The following DNAH6 variants were observed in gnomAD, a reference collection of about 807,000 sequenced individuals.
DNAH6 encodes dynein axonemal heavy chain 6.
Under a neutral mutation model 491.4 loss-of-function variants are expected in DNAH6, and 340 were observed. The ratio of observed to expected loss-of-function variants is 0.69; its 90% CI spans 0.63 to 0.76. The LOEUF (loss-of-function observed/expected upper bound fraction) is 0.76. Among genes scored for constraint, DNAH6 ranks in the 30% least tolerant of loss-of-function variants. DNAH6 has a pLI of 0.00. For missense variants in DNAH6, 4,443 were observed against 4,972.2 expected, an observed-to-expected ratio of 0.89 and a Z score of 3.20; for synonymous variants, 1,603 against 1,686.1, an observed-to-expected ratio of 0.95 and a Z score of 1.21.
chr2:84,704,366 A>C, intron 51 of DNAH6, 64 bp downstream of exon 51: 1 of 1,189,326 alleles, frequency 8.4e-7, no homozygotes, highest in African/African-American at 1.5e-5. Flanking sequence ...GTTTTCCTCC[A>C]TGGTAATGTA....
the DNAH6 span, among the ~76,000 whole-genome samples, chr2:84,482,260 C>CA: frequency 6.6e-6 from 1 of 152,042 alleles, no homozygotes; most frequent in African/African-American, 2.4e-5. Flanking sequence ...GAACAACACA[C>CA]AAAAAAAGTA....
At chr2:84,684,634 G>T (rs560557023) in intron 42 of DNAH6, among the ~76,000 whole-genome samples, 1 of 152,314 alleles carries the variant, frequency 6.6e-6, no homozygotes, top group South Asian at 2.1e-4. Context: ...TACCTACCAT[G>T]CTGTGTGGTA....
At chr2:84,526,296 A>G (rs576594579) in intron 3 of DNAH6, among the ~76,000 whole-genome samples, 17 of 152,142 alleles carry the variant, frequency 1.1e-4, no homozygotes, top group Non-Finnish European at 2.4e-4. Flanking sequence ...TAGAGCCAAG[A>G]TTTCTCTGAG....
chr2:84,715,298 T>C (rs1697414070), intron 57 of DNAH6, among the ~76,000 whole-genome samples: 1 of 152,188 alleles, frequency 6.6e-6, no homozygotes, highest in African/African-American at 2.4e-5. Context: ...AATCGTTCGC[T>C]GGCTCACCTT....
chr2:84,682,921 GTC>G (rs1393634474), intron 42 of DNAH6, among the ~76,000 whole-genome samples: 1 of 152,112 alleles, frequency 6.6e-6, no homozygotes, highest in African/African-American at 2.4e-5. Context: ...CCTGTGTTGA[GTC>G]TCTGTGTGAT....
intron 64 of DNAH6, among the ~76,000 whole-genome samples, chr2:84,769,978 C>G (rs1675458366): frequency 6.6e-6 from 1 of 152,122 alleles, no homozygotes; most frequent in African/African-American, 2.4e-5. Flanking sequence ...TTGGCCCAAC[C>G]AGGAAGTGAA....
Position 84,550,033 on chromosome 2 carries a change from G to A in DNAH6, c.1461G>A (p.Glu487=), listed in dbSNP as rs373466088. The A allele has an allele frequency of 1.4e-5, 22 of 1,613,168 alleles. 1 individual carries two copies. Among genetic ancestry groups the A allele is most frequent in the Middle Eastern group, 1.7e-4 (1 of 6,060 alleles). ...ADVIQKWITE[E]KPEVPDKKGT... ...TCATTCAGAAATGGATTACTGAAGA[G>A]AAGCCTGAAGTCCCTGATAAAAAGG... is the stretch of plus-strand genomic sequence containing the variant. Residue 487 remains glutamate (E), a synonymous_variant, in exon 9 of 77, where the codon GAG becomes GAA. Transcript: ENST00000389394.
chr2:84,587,016 G>A (rs1209224190), intron 15 of DNAH6, among the ~76,000 whole-genome samples: 1 of 151,880 alleles, frequency 6.6e-6, no homozygotes, highest in Non-Finnish European at 1.5e-5. Flanking sequence ...GTAAACTCAT[G>A]TCTCAGAGGT....
At chr2:84,522,358 G>A (rs916335406) in intron 2 of DNAH6, among the ~76,000 whole-genome samples, 2 of 152,126 alleles carry the variant, frequency 1.3e-5, no homozygotes, top group Non-Finnish European at 2.9e-5. Flanking sequence ...TTGTTTATCA[G>A]CTGAAGAAGC....
chr2:84,796,266 T>C, intron 68 of DNAH6, 40 bp from the exon 69 acceptor site: 1 of 1,362,218 alleles, frequency 7.3e-7, no homozygotes, highest in Non-Finnish European at 9.7e-7. Flanking sequence ...ATCAATTTTT[T>C]AAAAACAGCA....
chr2:84,787,254 T>A lies in DNAH6; in HGVS notation c.11191T>A (p.Tyr3731Asn). ...RECALLNLKL[Y>N]CKEGKIPWDA... ...ATGTGCTTTACTGAATCTCAAACTC[T>A]ATTGTAAAGAAGGAAAGATTCCCTG... Residue 3731 changes from tyrosine to asparagine, a missense_variant, in exon 68 of 77, where the codon TAT (tyrosine) becomes AAT (asparagine). Tyr to Asn is a moderately radical substitution (Grantham distance 143, BLOSUM62 -2). This residue lies in a region of DNAH6 where 1,463 missense variants were observed against 1,656.6 expected (regional missense o/e 0.88). Transcript: ENST00000389394. The A allele has an allele frequency of 6.5e-7, 1 of 1,548,108 alleles. No homozygotes were observed. Among genetic ancestry groups the A allele is most frequent in the Non-Finnish European group, 8.7e-7 (1 of 1,144,702 alleles).
intron 64 of DNAH6, among the ~76,000 whole-genome samples, chr2:84,765,168 AT>A (rs1017045944): frequency 6.6e-6 from 1 of 152,058 alleles, no homozygotes; most frequent in South Asian, 2.1e-4. Context: ...AGGAATTCAT[AT>A]TTTTTTAAAA....
chr2:84,694,394 G>C lies in DNAH6; in HGVS notation c.7438G>C (p.Asp2480His). ...TGAACTCAGCCGGGGATATAATTAT[G>C]ATAGTTTTCATGAAGACCTGAGGAA... Reference protein sequence around the residue: ...QIELSRGYNYDSFHEDLRKLY... With the variant: ...QIELSRGYNYHSFHEDLRKLY... Residue 2480 changes from aspartate to histidine, a missense_variant, in exon 46 of 77, where the codon GAT (aspartate) becomes CAT (histidine). By Grantham distance (81) the Asp-to-His change is moderately conservative (BLOSUM62 -1). Around this residue, in one of 3 missense-constraint regions of DNAH6, gnomAD observed 2,977 missense variants for 3,296.6 expected, o/e 0.90. Coordinates refer to ENST00000389394, the MANE Select transcript of DNAH6 (RefSeq NM_001370.2). The C allele has an allele frequency of 6.4e-7, 1 of 1,552,354 alleles. No homozygotes were observed. The highest frequency in any genetic ancestry group is 8.7e-7 in the Non-Finnish European group (1 of 1,147,138).
the DNAH6 span, among the ~76,000 whole-genome samples, chr2:84,495,650 A>G: frequency 1.3e-5 from 2 of 152,254 alleles, no homozygotes; most frequent in East Asian, 3.8e-4. Flanking sequence ...GCATTAGACC[A>G]TATAATGCCT....
chr2:84,488,483 C>A, the DNAH6 span, among the ~76,000 whole-genome samples: 3 of 152,156 alleles, frequency 2.0e-5, no homozygotes, highest in Non-Finnish European at 4.4e-5. Context: ...TGCATCCCTT[C>A]TGGAGGCTCT....
intron 68 of DNAH6, 66 bp from the exon 69 acceptor site, chr2:84,796,240 A>T: frequency 3.7e-6 from 4 of 1,090,148 alleles, no homozygotes; most frequent in Non-Finnish European, 1.3e-6. Flanking sequence ...TTAAAAATTT[A>T]AAATTAGGTA....
intron 63 of DNAH6, among the ~76,000 whole-genome samples, chr2:84,747,550 T>C (rs1369460240): frequency 6.6e-6 from 1 of 152,316 alleles, no homozygotes; most frequent in Admixed American, 6.5e-5. Context: ...GAGCTGTCCA[T>C]GTTGACTGCC....
At chr2:84,463,656 A>T in the DNAH6 span, among the ~76,000 whole-genome samples, 2 of 152,146 alleles carry the variant, frequency 1.3e-5, no homozygotes, top group Admixed American at 6.5e-5. Flanking sequence ...AATTAGAGAT[A>T]TGTGCGGAGT....
chr2:84,484,085 A>G, the DNAH6 span, among the ~76,000 whole-genome samples: 1 of 152,130 alleles, frequency 6.6e-6, no homozygotes, highest in Admixed American at 6.6e-5. Context: ...TAACTACTCT[A>G]AAAGATTTGT....
Sources: gnomAD v4.1 joint callset for allele counts (sites outside exome capture counted in the v4.1 genomes callset) on GRCh38, gnomAD v4.1.1 for gene constraint, gnomAD v4.1.1 regional missense constraint, MANE v1.5 for transcripts, NCBI Gene and HGNC (gene_info 2026-07-23, HGNC 2026-07-21) for gene names.